RPH3A: variants seen among roughly 807,000 people sequenced by gnomAD.
RPH3A encodes the protein rabphilin 3A, also known as rabphilin-3A.
RPH3A carries 48 observed loss-of-function variants against 102.2 expected under a neutral mutation model. The observed-to-expected ratio is 0.47, with a 90% CI of 0.37 to 0.60. The LOEUF is 0.60. Among genes scored for constraint, RPH3A ranks in the 20% least tolerant of loss-of-function variants. The probability of loss-of-function intolerance (pLI) is 0.00; values close to 1 mark genes in which losing one functional copy is unlikely to be tolerated. For synonymous variants in RPH3A, 310 were observed against 324.3 expected (o/e 0.96, Z 0.47); for missense variants, 781 against 910.1 (o/e 0.86, Z 1.83).
At chr12:112,882,653 T>C (rs779296428) in intron 15 of RPH3A, among the ~76,000 whole-genome samples, 7 of 152,242 alleles carry the variant, frequency 4.6e-5, no homozygotes, top group Non-Finnish European at 8.8e-5. Context: ...CACCTGGCCA[T>C]GGCCAAATTA....
At chr12:112,662,361 A>G (rs2040054291) in intron 1 of RPH3A, among the ~76,000 whole-genome samples, 1 of 152,200 alleles carries the variant, frequency 6.6e-6, no homozygotes, top group Non-Finnish European at 1.5e-5. Flanking sequence ...ATATCCATCC[A>G]TCCATCAGTC....
chr12:112,802,836 C>T (rs1183613245), intron 2 of RPH3A, among the ~76,000 whole-genome samples: 1 of 152,070 alleles, frequency 6.6e-6, no homozygotes, highest in Non-Finnish European at 1.5e-5. Flanking sequence ...CCTCTGTCCT[C>T]TCCCCAGGGC....
At chr12:112,624,249 C>A (rs2039755295) in intron 1 of RPH3A, among the ~76,000 whole-genome samples, 1 of 149,214 alleles carries the variant, frequency 6.7e-6, no homozygotes, top group Admixed American at 6.7e-5. Flanking sequence ...AAAAACCCTT[C>A]AAAAAATCAA....
At chr12:112,704,299 A>G (rs1368539844) in intron 1 of RPH3A, among the ~76,000 whole-genome samples, 1 of 152,156 alleles carries the variant, frequency 6.6e-6, no homozygotes, top group African/African-American at 2.4e-5. Flanking sequence ...CATGTTGGGC[A>G]GGCTGGTCTC....
chr12:112,895,924 C>A, intron 21 of RPH3A, 51 bp downstream of exon 21: 1 of 1,273,470 alleles, frequency 7.9e-7, no homozygotes, highest in Non-Finnish European at 1.1e-6. Flanking sequence ...CTCCCCAGAA[C>A]AGGAGAGCCT....
chr12:112,779,874 C>T (rs1014874764), intron 1 of RPH3A, among the ~76,000 whole-genome samples: 1 of 151,946 alleles, frequency 6.6e-6, no homozygotes, highest in Non-Finnish European at 1.5e-5. Context: ...TGTCATCATA[C>T]GAAGAGAGAA....
rs1374224710 is a variant in RPH3A at position 112,592,545 on chromosome 12, C to T, written c.-140+17226C>T. ...TGTCAGCCAGGCTGTTCTCGAACTC[C>T]TGACCTCACGTGATCTGCCCGCCTT... On this transcript the variant is annotated intron_variant, in intron 1 of 21. Coordinates refer to the RPH3A transcript ENST00000543106. 3.3e-5 allele frequency among the ~76,000 whole-genome samples: 5 copies of T among 152,338 alleles called. No individual in the cohort carries two copies. The South Asian group carries it at 8.3e-4, about 25-fold the overall frequency.
chr12:112,850,806 G>C (rs1031855869), intron 5 of RPH3A: 5 of 152,174 alleles, frequency 3.3e-5, no homozygotes, highest in African/African-American at 1.2e-4. Flanking sequence ...AGAACATGAG[G>C]ATCTCAGTTA....
chr12:112,658,628 C>T (rs1243077688), intron 1 of RPH3A, among the ~76,000 whole-genome samples: 5 of 152,194 alleles, frequency 3.3e-5, no homozygotes, highest in African/African-American at 1.2e-4. Flanking sequence ...GTCAGCTGTG[C>T]AGGTGATAAG....
In RPH3A at chr12:112,698,586, A is replaced by G. The variant is rs1323316274; in HGVS notation, c.-139-93557A>G. On this transcript the variant is annotated intron_variant, in intron 1 of 21. Coordinates refer to the RPH3A transcript ENST00000543106. ...GACTTTATAAAAATGTAGAACTTCT[A>G]TACTTTGAAAGACACTGTTAAGAAA... Among the ~76,000 whole-genome samples the G allele has an allele frequency of 2.6e-5, 4 of 152,150 alleles. No individual in the cohort carries two copies. In the East Asian group the frequency reaches 7.7e-4, roughly 29 times the overall value.
chr12:112,737,174 TAAAA>T (rs1200168212), intron 1 of RPH3A, among the ~76,000 whole-genome samples: 5 of 131,116 alleles, frequency 3.8e-5, no homozygotes, highest in Admixed American at 7.6e-5. Flanking sequence ...AAAAACAAAA[TAAAA>T]AAAAAACAAA....
intron 1 of RPH3A, among the ~76,000 whole-genome samples, chr12:112,660,746 C>T (rs1221682951): frequency 6.6e-6 from 1 of 152,150 alleles, no homozygotes; most frequent in African/African-American, 2.4e-5. Flanking sequence ...GATGGAAAAA[C>T]TGAGGTCCAG....
chr12:112,671,045 A>G (rs1390664807), intron 1 of RPH3A, among the ~76,000 whole-genome samples: 1 of 152,192 alleles, frequency 6.6e-6, no homozygotes, highest in Non-Finnish European at 1.5e-5. Flanking sequence ...AAATCTTGAC[A>G]TTAAGATATT....
chr12:112,773,844 G>A (rs1476698913), intron 1 of RPH3A, among the ~76,000 whole-genome samples: 2 of 152,068 alleles, frequency 1.3e-5, no homozygotes, highest in African/African-American at 2.4e-5. Flanking sequence ...ACTTTGGGAG[G>A]CCGAGGCAGG....
chr12:112,622,575 C>A (rs1181319012), intron 1 of RPH3A, among the ~76,000 whole-genome samples: 1 of 149,502 alleles, frequency 6.7e-6, no homozygotes, highest in Admixed American at 6.7e-5. Flanking sequence ...ACCAAATGTA[C>A]GTCTGATTGG....
At chr12:112,754,116 A>C (rs1410171386) in intron 1 of RPH3A, among the ~76,000 whole-genome samples, 2 of 152,226 alleles carry the variant, frequency 1.3e-5, no homozygotes, top group African/African-American at 4.8e-5. Context: ...ACTGTAAGAT[A>C]ATACATCTGT....
chr12:112,778,948 C>T (rs1234854042), intron 1 of RPH3A, among the ~76,000 whole-genome samples: 2 of 152,132 alleles, frequency 1.3e-5, no homozygotes, highest in Non-Finnish European at 1.5e-5. Flanking sequence ...CAGCTCCACC[C>T]AAACCTCCAC....
At chr12:112,705,340 T>G (rs2040420924) in intron 1 of RPH3A, among the ~76,000 whole-genome samples, 1 of 152,182 alleles carries the variant, frequency 6.6e-6, no homozygotes, top group African/African-American at 2.4e-5. Flanking sequence ...TAAATTCTAT[T>G]TTTATGGAAC....
intron 1 of RPH3A, among the ~76,000 whole-genome samples, chr12:112,628,458 C>A (rs958687834): frequency 6.6e-6 from 1 of 150,600 alleles, no homozygotes; most frequent in Non-Finnish European, 1.5e-5. Flanking sequence ...AAGAAGGGGA[C>A]CCATGGCATG....
Sources: allele counts gnomAD v4.1 joint callset (sites outside exome capture counted in the v4.1 genomes callset), GRCh38; gene constraint gnomAD v4.1.1; transcripts MANE v1.5; gene names NCBI Gene and HGNC (gene_info 2026-07-23, HGNC 2026-07-21).